STK3: variants seen among roughly 807,000 people sequenced by gnomAD.
STK3 encodes serine/threonine kinase 3.
STK3 carries 41 observed loss-of-function variants against 58.0 expected under a neutral mutation model. The ratio of observed to expected loss-of-function variants is 0.71; its 90% confidence interval spans 0.55 to 0.92. The LOEUF is 0.92. STK3 is among the 40% of genes least tolerant of loss of function. The pLI, the probability that STK3 is intolerant of heterozygous loss-of-function variation, is 0.00. For synonymous variants in STK3, 170 were observed against 191.0 expected (o/e 0.89, Z 0.91); for missense variants, 479 against 602.7 (o/e 0.79, Z 2.15).
At chr8:98,692,639 G>C (rs1009139481) in intron 6 of STK3, among the ~76,000 whole-genome samples, 5 of 152,112 alleles carry the variant, frequency 3.3e-5, no homozygotes, top group Admixed American at 3.3e-4. Flanking sequence ...TCTAGAAATA[G>C]TGGTAATGAT....
At chr8:98,544,053 T>C (rs1284744552) in intron 9 of STK3, among the ~76,000 whole-genome samples, 1 of 151,492 alleles carries the variant, frequency 6.6e-6, no homozygotes, top group Non-Finnish European at 1.5e-5. Flanking sequence ...AGCAATGAAA[T>C]AATGAAATAT....
At chr8:98,486,237 C>A (rs1209402966) in intron 10 of STK3, among the ~76,000 whole-genome samples, 2 of 152,134 alleles carry the variant, frequency 1.3e-5, no homozygotes, top group Non-Finnish European at 2.9e-5. Flanking sequence ...GAGAAAAATA[C>A]AGAAAGTTGT....
At chr8:98,552,854 T>C (rs1811285722) in intron 8 of STK3, among the ~76,000 whole-genome samples, 2 of 152,202 alleles carry the variant, frequency 1.3e-5, no homozygotes, top group Non-Finnish European at 2.9e-5. Context: ...TTTTCACTTA[T>C]TAATCATCCA....
At chr8:98,705,046 A>G (rs1412658452) in intron 6 of STK3, among the ~76,000 whole-genome samples, 1 of 152,218 alleles carries the variant, frequency 6.6e-6, no homozygotes, top group Non-Finnish European at 1.5e-5. Flanking sequence ...AGTTATTTTC[A>G]AACAATTGAT....
At chr8:98,534,986 G>A (rs1809637157) in intron 9 of STK3, among the ~76,000 whole-genome samples, 1 of 152,116 alleles carries the variant, frequency 6.6e-6, no homozygotes. Context: ...TTAAAGGGAA[G>A]ATTAATTCTG....
chr8:98,436,284 G>T (rs2131085136), intron 2 of STK3, among the ~76,000 whole-genome samples: 1 of 152,106 alleles, frequency 6.6e-6, no homozygotes, highest in Non-Finnish European at 1.5e-5. Flanking sequence ...ATAGGAGCCT[G>T]CCACACCCTT....
At chr8:98,826,214 C>T (rs1420859058), upstream of STK3, among the ~76,000 whole-genome samples, 1 of 152,248 alleles carries the variant, frequency 6.6e-6, no homozygotes, top group Admixed American at 6.5e-5. Flanking sequence ...ACGACACATC[C>T]TAACATCGTG....
At chr8:98,719,138 T>C (rs958199990) in intron 4 of STK3, among the ~76,000 whole-genome samples, 8 of 152,160 alleles carry the variant, frequency 5.3e-5, no homozygotes, top group African/African-American at 1.9e-4. Flanking sequence ...GCCACCATAA[T>C]GGACCACTAC....
intron 1 of STK3, among the ~76,000 whole-genome samples, chr8:98,912,747 G>T (rs1467729902): frequency 6.6e-6 from 1 of 152,166 alleles, no homozygotes; most frequent in Non-Finnish European, 1.5e-5. Flanking sequence ...CTTCCATTCA[G>T]AACTATAAGA....
chr8:98,669,752 T>C (rs976403229), intron 6 of STK3, among the ~76,000 whole-genome samples: 1 of 152,198 alleles, frequency 6.6e-6, no homozygotes, highest in African/African-American at 2.4e-5. Context: ...CCTACAACAC[T>C]TGTGTCAAAC....
intron 6 of STK3, among the ~76,000 whole-genome samples, chr8:98,701,128 C>G (rs1037868209): frequency 6.7e-6 from 1 of 150,130 alleles, no homozygotes; most frequent in African/African-American, 2.5e-5. Flanking sequence ...TGTGATTGTG[C>G]CACTGCACTC....
At chr8:98,669,213 T>C (rs1163650651) in intron 6 of STK3, among the ~76,000 whole-genome samples, 6 of 152,106 alleles carry the variant, frequency 3.9e-5, no homozygotes, top group Non-Finnish European at 7.4e-5. Flanking sequence ...ATCAGGCTGG[T>C]CTCGAACTCC....
chr8:98,781,238 A>G (rs1832066897), intron 1 of STK3, among the ~76,000 whole-genome samples: 1 of 152,224 alleles, frequency 6.6e-6, no homozygotes, highest in Non-Finnish European at 1.5e-5. Context: ...CTCAAAGAGA[A>G]CCAAGTAATT....
At chr8:98,575,934 A>G (rs964012216) in intron 8 of STK3, among the ~76,000 whole-genome samples, 1 of 152,196 alleles carries the variant, frequency 6.6e-6, no homozygotes, top group African/African-American at 2.4e-5. Context: ...TTTCTGCTTT[A>G]GTATCATTCT....
intron 3 of STK3, among the ~76,000 whole-genome samples, chr8:98,874,235 T>C (rs1325229397): frequency 6.6e-6 from 1 of 152,260 alleles, no homozygotes; most frequent in African/African-American, 2.4e-5. Flanking sequence ...TGGGCTTCCC[T>C]TTGTGGGTAA....
intron 10 of STK3, among the ~76,000 whole-genome samples, chr8:98,460,879 T>G (rs1008968644): frequency 6.6e-6 from 1 of 152,260 alleles, no homozygotes; most frequent in Non-Finnish European, 1.5e-5. Context: ...ACTCGATTTT[T>G]AAAAACATAT....
intron 6 of STK3, among the ~76,000 whole-genome samples, chr8:98,638,143 C>A (rs1819757303): frequency 6.6e-6 from 1 of 152,046 alleles, no homozygotes; most frequent in Admixed American, 6.5e-5. Flanking sequence ...AATTTGATAT[C>A]AAGACTGCTT....
chr8:98,639,412 C>A (rs1188745442), intron 6 of STK3, among the ~76,000 whole-genome samples: 1 of 152,058 alleles, frequency 6.6e-6, no homozygotes, highest in Non-Finnish European at 1.5e-5. Context: ...CATGCCTGGT[C>A]CAATATGGAT....
chr8:98,508,687 G>A lies in STK3; in HGVS notation c.1317+18055C>T, dbSNP rs535329343. 2.6e-5 allele frequency among the ~76,000 whole-genome samples: 4 copies of A among 152,140 alleles called. No individual in the cohort carries two copies. In the South Asian group the frequency reaches 8.3e-4, roughly 32 times the overall value. ...TAAAAATTTTTATGTGGCTGTGGCT[G>A]GTTATGTTTTGGATTGCTTAAGAAA... On this transcript the variant is annotated intron_variant, in intron 10 of 10. Transcript: ENST00000419617.
Sources: allele counts gnomAD v4.1 joint callset (sites outside exome capture counted in the v4.1 genomes callset), GRCh38; gene constraint gnomAD v4.1.1; transcripts MANE v1.5; gene names NCBI Gene and HGNC (gene_info 2026-07-23, HGNC 2026-07-21).